ROBO1: variants seen among roughly 807,000 people sequenced by gnomAD.
The protein encoded by ROBO1 is roundabout guidance receptor 1, also known as roundabout homolog 1.
A neutral mutation model predicts 195.9 loss-of-function variants in ROBO1; 149 were observed. That is an observed-to-expected ratio of 0.76 (90% CI 0.67 to 0.87). The LOEUF (loss-of-function observed/expected upper bound fraction) is 0.87, where lower values mean the gene tolerates loss of function less well. Ranked by LOEUF, ROBO1 falls within the 40% of genes least tolerant of loss-of-function variation. The pLI, the probability that ROBO1 is intolerant of heterozygous loss-of-function variation, is 0.00. For missense variants in ROBO1, 1,933 were observed against 2,068.3 expected (o/e 0.93, Z 1.27); for synonymous variants, 816 against 733.2 (o/e 1.11, Z -1.82).
intron 1 of ROBO1, among the ~76,000 whole-genome samples, chr3:79,759,062 CTTAAA>C (rs1285613913): frequency 2.0e-5 from 3 of 151,700 alleles, no homozygotes; most frequent in African/African-American, 7.3e-5. Context: ...TTAACACTCT[CTTAAA>C]TTAATACCCA....
At chr3:79,585,597 T>C (rs569846049) in intron 2 of ROBO1, among the ~76,000 whole-genome samples, 1 of 152,120 alleles carries the variant, frequency 6.6e-6, no homozygotes, top group South Asian at 2.1e-4. Context: ...AATAACTTTT[T>C]CCCTTTGTCA....
Position 78,598,769 on chromosome 3 carries a change from A to ATGAT in ROBO1, c.*140_*143dup. The ATGAT allele has an allele frequency of 2.0e-6, 1 of 512,242 alleles. No individual in the cohort carries two copies. The highest frequency in any genetic ancestry group is 3.5e-6 in the Non-Finnish European group (1 of 285,026). The allele number at this position is 512,242 out of a possible 1,614,324, so 31.7% of individuals were successfully genotyped here. A position where few individuals can be genotyped will look rare whatever the true frequency, so the allele number is the denominator to read the frequency against. On this transcript the variant is annotated 3_prime_UTR_variant, in exon 31 of 31. Coordinates refer to ENST00000464233, the MANE Select transcript of ROBO1 (RefSeq NM_002941.4). Reference sequence around the variant, plus strand: ...ATAAAAACCCAATAAAGTTTTTAAAATGATATCCCAATAAGAGGAATAAAA... The same window carrying ATGAT: ...ATAAAAACCCAATAAAGTTTTTAAAATGATTGATATCCCAATAAGAGGAATAAAA...
chr3:78,668,057 T>C lies in ROBO1; in HGVS notation c.1800-8A>G, dbSNP rs766848450. 1.7e-5 allele frequency: 27 copies of C among 1,613,312 alleles called. No individual in the cohort carries two copies. Among genetic ancestry groups the C allele is most frequent in the Admixed American group, 6.7e-5 (4 of 59,904 alleles). The stretch of plus-strand genomic sequence containing the variant: ...CTGCTACCAGATGCATGGCTAAGGA[T>C]AGACACACAGGTTAGAACATGCGTA... On this transcript the variant is annotated splice_polypyrimidine_tract_variant and splice_region_variant and intron_variant, in intron 13 of 30. Transcript: ENST00000464233.
chr3:79,305,370 C>A (rs2033169311), intron 2 of ROBO1, among the ~76,000 whole-genome samples: 1 of 151,698 alleles, frequency 6.6e-6, no homozygotes, highest in Admixed American at 6.6e-5. Context: ...GCCTGTAACT[C>A]CAGCTACTCA....
intron 2 of ROBO1, among the ~76,000 whole-genome samples, chr3:79,353,661 T>G (rs1272907611): frequency 6.6e-6 from 1 of 152,136 alleles, no homozygotes; most frequent in Non-Finnish European, 1.5e-5. Context: ...TATTCTATAG[T>G]CAATAGGAAA....
At chr3:78,827,764 T>C (rs1462705732) in intron 4 of ROBO1, among the ~76,000 whole-genome samples, 3 of 152,182 alleles carry the variant, frequency 2.0e-5, no homozygotes, top group Admixed American at 2.0e-4. Flanking sequence ...GGAGGCAGAA[T>C]GTTCTCTTCC....
chr3:79,550,915 G>T (rs1332946621), intron 2 of ROBO1, among the ~76,000 whole-genome samples: 2 of 152,126 alleles, frequency 1.3e-5, no homozygotes, highest in African/African-American at 2.4e-5. Flanking sequence ...GATGTGATTA[G>T]GCTATAAGGA....
chr3:79,293,886 G>A (rs542452237), intron 2 of ROBO1, among the ~76,000 whole-genome samples: 43 of 150,662 alleles, frequency 2.9e-4, no homozygotes, highest in Non-Finnish European at 4.1e-4. Context: ...GTGAAACCCC[G>A]TCTCTACTAA....
At chr3:79,516,967 G>C (rs1940973722) in intron 2 of ROBO1, among the ~76,000 whole-genome samples, 2 of 152,146 alleles carry the variant, frequency 1.3e-5, no homozygotes, top group South Asian at 4.1e-4. Context: ...CCCACACTCT[G>C]GTCAAGAGGA....
At chr3:79,397,732 A>G (rs2037206870) in intron 2 of ROBO1, among the ~76,000 whole-genome samples, 1 of 152,186 alleles carries the variant, frequency 6.6e-6, no homozygotes, top group African/African-American at 2.4e-5. Flanking sequence ...GCCACATGCC[A>G]GGCAATTAAT....
chr3:78,952,684 C>A (rs1011438704), intron 3 of ROBO1, among the ~76,000 whole-genome samples: 2 of 151,954 alleles, frequency 1.3e-5, no homozygotes, highest in African/African-American at 2.4e-5. Context: ...AGCATAAAAA[C>A]AGTCCACACT....
intron 3 of ROBO1, among the ~76,000 whole-genome samples, chr3:79,037,620 G>C (rs1202539818): frequency 6.6e-6 from 1 of 152,154 alleles, no homozygotes; most frequent in Non-Finnish European, 1.5e-5. Context: ...CATGCTGCTA[G>C]ATATAGTCGG....
chr3:79,723,048 A>G (rs534047263), intron 1 of ROBO1, among the ~76,000 whole-genome samples: 8 of 152,318 alleles, frequency 5.3e-5, no homozygotes, highest in African/African-American at 1.2e-4. Flanking sequence ...TTAACCATGA[A>G]CCATGGCTAT....
chr3:79,566,951 C>T (rs565046243), intron 2 of ROBO1, among the ~76,000 whole-genome samples: 2 of 151,974 alleles, frequency 1.3e-5, no homozygotes, highest in African/African-American at 4.8e-5. Context: ...GACACATGCA[C>T]GTGTATGTTC....
At chr3:79,348,725 G>A (rs1054406959) in intron 2 of ROBO1, among the ~76,000 whole-genome samples, 14 of 152,144 alleles carry the variant, frequency 9.2e-5, no homozygotes, top group African/African-American at 3.4e-4. Flanking sequence ...TACCAGTGAG[G>A]TGCCTATTTT....
intron 1 of ROBO1, among the ~76,000 whole-genome samples, chr3:79,657,002 C>A (rs1946186674): frequency 6.6e-6 from 1 of 152,038 alleles, no homozygotes; most frequent in African/African-American, 2.4e-5. Flanking sequence ...CAAACTACAT[C>A]TATTCTTTGT....
chr3:79,293,076 G>A (rs1165202083), intron 2 of ROBO1, among the ~76,000 whole-genome samples: 1 of 152,078 alleles, frequency 6.6e-6, no homozygotes, highest in Admixed American at 6.6e-5. Context: ...TCTATTCAGG[G>A]ATTCGTCTTC....
At chr3:79,115,428 T>C (rs1283783347) in intron 3 of ROBO1, among the ~76,000 whole-genome samples, 1 of 152,120 alleles carries the variant, frequency 6.6e-6, no homozygotes, top group Non-Finnish European at 1.5e-5. Context: ...AATAAATATT[T>C]AGCACGGTAA....
chr3:78,724,284 C>T (rs79543720), intron 5 of ROBO1, among the ~76,000 whole-genome samples: 1 of 152,002 alleles, frequency 6.6e-6, no homozygotes. Flanking sequence ...ACATGGTGGG[C>T]TGTTCATTTC....
Sources: allele counts gnomAD v4.1 joint callset (sites outside exome capture counted in the v4.1 genomes callset), GRCh38; gene constraint gnomAD v4.1.1; transcripts MANE v1.5; gene names NCBI Gene and HGNC (gene_info 2026-07-23, HGNC 2026-07-21).